PEX5: variants seen among roughly 807,000 people sequenced by gnomAD.
The protein encoded by PEX5 is peroxisomal biogenesis factor 5.
In PEX5, 52 loss-of-function variants were observed where a neutral mutation model predicts 82.9. That is an observed-to-expected ratio of 0.63 (90% CI 0.50 to 0.79). PEX5 has a LOEUF of 0.79. Ranked by LOEUF, PEX5 falls within the 30% of genes least tolerant of loss-of-function variation. PEX5 has a pLI of 0.00. For synonymous variants in PEX5, 300 were observed against 318.8 expected, an observed-to-expected ratio of 0.94 and a Z score of 0.63; for missense variants, 719 against 815.2, an observed-to-expected ratio of 0.88 and a Z score of 1.44.
At chr12:7,198,804 C>T (rs980681959) in intron 5 of PEX5, among the ~76,000 whole-genome samples, 7 of 152,198 alleles carry the variant, frequency 4.6e-5, no homozygotes, top group Admixed American at 2.0e-4. Context: ...ATTTCTGCCC[C>T]AGGCTCCTTG....
intron 10 of PEX5, 104 bp downstream of exon 10, chr12:7,203,655 T>C: frequency 8.9e-7 from 1 of 1,126,316 alleles, no homozygotes; most frequent in Non-Finnish European, 1.3e-6. Context: ...TTTTCTTGAG[T>C]CCCTTTCCAC....
chr12:7,195,284 C>G (rs1941883153), intron 5 of PEX5, among the ~76,000 whole-genome samples: 1 of 152,140 alleles, frequency 6.6e-6, no homozygotes, highest in Non-Finnish European at 1.5e-5. Context: ...TCTGTATGAC[C>G]TCAGGCAGTG....
At chr12:7,197,794 A>G (rs1943033334) in intron 5 of PEX5, among the ~76,000 whole-genome samples, 1 of 152,148 alleles carries the variant, frequency 6.6e-6, no homozygotes, top group Non-Finnish European at 1.5e-5. Flanking sequence ...GTATCAGCTA[A>G]TATTTTCACA....
chr12:7,212,866 C>T (rs569300243), downstream of PEX5: 7 of 152,274 alleles, frequency 4.6e-5, no homozygotes, highest in African/African-American at 9.7e-5. Context: ...GTCTTGGGCT[C>T]TGCAGGTTGG....
Position 7,201,725 on chromosome 12 carries a change from G to T in PEX5, c.552-26G>T, listed in dbSNP as rs1288142964. Reference sequence around the variant, plus strand: ...GGGGAGGGTGATGGCAGACTAATGTGTAAAATTAGTTCTTACCCGTTCCAG... The same window carrying T: ...GGGGAGGGTGATGGCAGACTAATGTTTAAAATTAGTTCTTACCCGTTCCAG... On this transcript the variant is annotated intron_variant, in intron 6 of 15. Coordinates refer to ENST00000675855, the MANE Select transcript of PEX5 (RefSeq NM_001351132.2). 3 of 1,523,996 alleles carry T rather than the reference G, an allele frequency of 2.0e-6. No homozygotes were observed. The African/African-American group carries it at 4.1e-5, about 21-fold the overall frequency. 94.4% of individuals were successfully genotyped at this position (1,523,996 alleles called of 1,614,324 possible). A position where few individuals can be genotyped will look rare whatever the true frequency, so the allele number is the denominator to read the frequency against.
chr12:7,211,086 G>A lies in PEX5; in HGVS notation c.*863G>A, dbSNP rs1945515503. 2.6e-5 allele frequency: 4 copies of A among 152,762 alleles called. No homozygotes were observed. The highest frequency in any genetic ancestry group is 5.9e-5 in the Non-Finnish European group (4 of 68,150). 9.5% of individuals were successfully genotyped at this position (152,762 alleles called of 1,614,324 possible). ...CCTGTGAATGGGAATTGAGCCAACT[G>A]TTATAGAAAATTGGTTCAGAAAGTG... On this transcript the variant is annotated 3_prime_UTR_variant, in exon 16 of 16. Transcript: ENST00000675855.
downstream of PEX5, among the ~76,000 whole-genome samples, chr12:7,215,830 G>A (rs1189897304): frequency 2.0e-5 from 3 of 151,948 alleles, no homozygotes; most frequent in South Asian, 2.1e-4. Context: ...AAACCTCAGC[G>A]ACATGCAGTT....
rs1277997674 is a variant in PEX5 at position 7,191,253 on chromosome 12, A to G, written c.211A>G (p.Asn71Asp). 6.2e-7 allele frequency: 1 copy of G among 1,614,112 alleles called. No homozygotes were observed. The change falls in exon 4 of 16, where the codon AAT (asparagine) becomes GAT (aspartate). Residue 71 changes from asparagine (N) to aspartate (D), a missense_variant. Transcript: ENST00000675855. ...ELVAEFLQDQ[N>D]APLVSRAPQT... ...GGTGGCTGAATTCCTGCAGGACCAG[A>G]ATGCACCCCTTGTGTCCCGTGCCCC...
rs960770257 is a variant in PEX5 at position 7,210,556 on chromosome 12, G to C, written c.*333G>C. 1.4e-5 allele frequency: 6 copies of C among 437,578 alleles called. No individual in the cohort carries two copies. The highest frequency in any genetic ancestry group is 6.9e-4 in the Middle Eastern group (1 of 1,456). The allele number at this position is 437,578 out of a possible 1,614,324, so 27.1% of individuals were successfully genotyped here. On this transcript the variant is annotated 3_prime_UTR_variant, in exon 16 of 16. Coordinates refer to ENST00000675855, the MANE Select transcript of PEX5 (RefSeq NM_001351132.2). ...ACTGTTATCATCAGCTGCCATTTCT[G>C]ATAGGGTCTACCACATCTGTAATGT...
chr12:7,215,467 A>G (rs1945751107), downstream of PEX5, among the ~76,000 whole-genome samples: 1 of 152,236 alleles, frequency 6.6e-6, no homozygotes, highest in African/African-American at 2.4e-5. Context: ...AGTATTCATG[A>G]TAGCAACGAC....
intron 10 of PEX5, among the ~76,000 whole-genome samples, chr12:7,206,710 T>G (rs1944843371): frequency 8.4e-6 from 1 of 118,812 alleles, no homozygotes; most frequent in South Asian, 2.7e-4. Flanking sequence ...TTTATCATTT[T>G]CACAATAATA....
At chr12:7,214,319 C>T (rs1383819567), downstream of PEX5, among the ~76,000 whole-genome samples, 1 of 151,900 alleles carries the variant, frequency 6.6e-6, no homozygotes, top group Non-Finnish European at 1.5e-5. Context: ...GGAACCAACC[C>T]AAATGTCCAA....
intron 7 of PEX5, 135 bp from the exon 8 acceptor site, chr12:7,202,106 A>T: frequency 7.3e-7 from 1 of 1,370,842 alleles, no homozygotes; most frequent in Non-Finnish European, 1.0e-6. Context: ...TACCTCTTTT[A>T]GGGTCTTTAG....
chr12:7,213,368 G>A (rs1345988190), downstream of PEX5, among the ~76,000 whole-genome samples: 3 of 150,458 alleles, frequency 2.0e-5, no homozygotes, highest in Non-Finnish European at 4.4e-5. Flanking sequence ...CATGGTACTG[G>A]TACCAAAACA....
intron 5 of PEX5, among the ~76,000 whole-genome samples, chr12:7,197,748 G>A (rs1243874985): frequency 1.3e-5 from 2 of 152,040 alleles, no homozygotes; most frequent in South Asian, 4.1e-4. Context: ...AAAAGCAAGG[G>A]TGGTCAGATC....
intron 11 of PEX5, 96 bp downstream of exon 11, chr12:7,207,898 G>A (rs1395331407): frequency 3.3e-6 from 5 of 1,537,078 alleles, no homozygotes; most frequent in Admixed American, 1.7e-5. Flanking sequence ...TAGGGCCTGG[G>A]TGATGGCCTA....
At chr12:7,200,079 A>G (rs1255134798) in intron 6 of PEX5, among the ~76,000 whole-genome samples, 9 of 105,686 alleles carry the variant, frequency 8.5e-5, no homozygotes, top group Admixed American at 8.2e-4. Context: ...GCTGACCCCC[A>G]CCTCCCTCCC....
chr12:7,210,504 T>C lies in PEX5; in HGVS notation c.*281T>C, dbSNP rs1945436813. 1.8e-6 allele frequency: 1 copy of C among 546,600 alleles called. No homozygotes were observed. The highest frequency in any genetic ancestry group is 3.3e-6 in the Non-Finnish European group (1 of 302,218). The allele number at this position is 546,600 out of a possible 1,614,324, so 33.9% of individuals were successfully genotyped here. Reference sequence around the variant, plus strand: ...TCATGCCCTTTCTTGGTGCTGCTTTTTGGGTAGGACCCCACGATTTAGGGT... The same window carrying C: ...TCATGCCCTTTCTTGGTGCTGCTTTCTGGGTAGGACCCCACGATTTAGGGT... On this transcript the variant is annotated 3_prime_UTR_variant, in exon 16 of 16. Coordinates refer to ENST00000675855, the MANE Select transcript of PEX5 (RefSeq NM_001351132.2).
intron 5 of PEX5, among the ~76,000 whole-genome samples, chr12:7,197,234 T>C (rs1565687206): frequency 2.9e-4 from 15 of 51,052 alleles, no homozygotes; most frequent in Admixed American, 1.1e-3. Context: ...ATATGTCATA[T>C]GTAATAATTA....
Sources: allele counts gnomAD v4.1 joint callset (sites outside exome capture counted in the v4.1 genomes callset), GRCh38; gene constraint gnomAD v4.1.1; transcripts MANE v1.5; gene names NCBI Gene and HGNC (gene_info 2026-07-23, HGNC 2026-07-21).